Variants in SH3RF3 observed in about 807,000 individuals in gnomAD.
SH3RF3 encodes E3 ubiquitin-protein ligase SH3RF3.
A neutral mutation model predicts 66.3 loss-of-function variants in SH3RF3; 29 were observed. The observed-to-expected ratio is 0.44, with a 90% CI of 0.33 to 0.60. The LOEUF is 0.60. Among genes scored for constraint, SH3RF3 ranks in the 20% least tolerant of loss-of-function variants. SH3RF3 has a pLI of 0.04. For synonymous variants in SH3RF3, 583 were observed against 532.0 expected (o/e 1.10, Z -1.32); for missense variants, 1,194 against 1,190.9 (o/e 1.00, Z -0.04).
chr2:109,436,692 A>G (rs1427443886), intron 6 of SH3RF3, among the ~76,000 whole-genome samples: 1 of 152,154 alleles, frequency 6.6e-6, no homozygotes, highest in Non-Finnish European at 1.5e-5. Context: ...AATATTTCAC[A>G]CTGACAGTTT....
At chr2:109,394,566 AT>A (rs1676089618) in intron 3 of SH3RF3, among the ~76,000 whole-genome samples, 1 of 152,252 alleles carries the variant, frequency 6.6e-6, no homozygotes, top group Non-Finnish European at 1.5e-5. Flanking sequence ...TGATGTTATC[AT>A]TTTGTTTCCA....
chr2:109,432,496 C>A lies in SH3RF3; in HGVS notation c.1404-5C>A. On this transcript the variant is annotated splice_polypyrimidine_tract_variant and splice_region_variant and intron_variant, in intron 5 of 9. Transcript: ENST00000309415. The stretch of plus-strand genomic sequence containing the variant: ...ACTGACACTGGCCCCATGCTTTGCC[C>A]GCAGGTACCTGGCGCTCTACGCCTA... The A allele has an allele frequency of 6.2e-7, 1 of 1,612,974 alleles. No homozygotes were observed. Among genetic ancestry groups the A allele is most frequent in the Non-Finnish European group, 8.5e-7 (1 of 1,179,618 alleles).
At chr2:109,490,526 G>A in intron 8 of SH3RF3, 79 bp from the exon 9 acceptor site, 2 of 1,157,418 alleles carry the variant, frequency 1.7e-6, no homozygotes, top group Non-Finnish European at 2.3e-6. Flanking sequence ...CACATAGGAA[G>A]ATGCATTCCC....
intron 7 of SH3RF3, among the ~76,000 whole-genome samples, chr2:109,437,927 A>G (rs535133792): frequency 6.6e-6 from 1 of 152,284 alleles, no homozygotes; most frequent in Admixed American, 6.5e-5. Flanking sequence ...TGCTGACATG[A>G]TGCCAAGTAC....
At chr2:109,241,768 A>ATT (rs201056229) in intron 1 of SH3RF3, among the ~76,000 whole-genome samples, 3 of 143,464 alleles carry the variant, frequency 2.1e-5, no homozygotes, top group African/African-American at 2.6e-5. Flanking sequence ...GTCTTGAATA[A>ATT]TTTTTTTTTT....
Position 109,141,163 on chromosome 2 carries a change from G to A in SH3RF3, c.573+11050G>A, listed in dbSNP as rs181827896. Among the ~76,000 whole-genome samples the A allele has an allele frequency of 5.0e-4, 76 of 152,224 alleles. 1 individual carries two copies. Among genetic ancestry groups the A allele is most frequent in the African/African-American group, 1.5e-3 (62 of 41,522 alleles). Reference sequence around the variant, plus strand: ...CACCCCCCGGAGCCCAGGTTTCTGCGGATTCCTCTCTTTTGTCTCCCTTCT... The same window carrying A: ...CACCCCCCGGAGCCCAGGTTTCTGCAGATTCCTCTCTTTTGTCTCCCTTCT... On this transcript the variant is annotated intron_variant, in intron 1 of 9. Coordinates refer to ENST00000309415, the MANE Select transcript of SH3RF3 (RefSeq NM_001099289.3).
intron 1 of SH3RF3, among the ~76,000 whole-genome samples, chr2:109,196,741 A>G (rs961166816): frequency 6.6e-6 from 1 of 152,160 alleles, no homozygotes; most frequent in Non-Finnish European, 1.5e-5. Flanking sequence ...GCTGCACCAC[A>G]TGCCCCGTGG....
At chr2:109,489,666 G>C (rs1325102315) in intron 8 of SH3RF3, among the ~76,000 whole-genome samples, 1 of 150,550 alleles carries the variant, frequency 6.6e-6, no homozygotes. Flanking sequence ...TGGGGGCCTC[G>C]GGGCCTATTT....
intron 1 of SH3RF3, among the ~76,000 whole-genome samples, chr2:109,217,027 A>G (rs1340806231): frequency 6.6e-6 from 1 of 152,160 alleles, no homozygotes; most frequent in Non-Finnish European, 1.5e-5. Context: ...GGAATTACAC[A>G]GTATTTATCC....
chr2:109,227,215 C>T (rs936050864), intron 1 of SH3RF3, among the ~76,000 whole-genome samples: 1 of 152,126 alleles, frequency 6.6e-6, no homozygotes, highest in Non-Finnish European at 1.5e-5. Flanking sequence ...GAGGATCCCA[C>T]CCAGGCCTCA....
At chr2:109,481,769 C>T (rs573825893) in intron 8 of SH3RF3, among the ~76,000 whole-genome samples, 11 of 152,244 alleles carry the variant, frequency 7.2e-5, no homozygotes, top group African/African-American at 2.6e-4. Flanking sequence ...CACTCCTCGG[C>T]CTCCCCTCTG....
chr2:109,145,650 T>TA (rs1677076985), intron 1 of SH3RF3, among the ~76,000 whole-genome samples: 1 of 152,224 alleles, frequency 6.6e-6, no homozygotes, highest in African/African-American at 2.4e-5. Context: ...GTGGACTTCC[T>TA]AAGGAGCACT....
chr2:109,215,263 G>C (rs902116891), intron 1 of SH3RF3, among the ~76,000 whole-genome samples: 2 of 152,184 alleles, frequency 1.3e-5, no homozygotes, highest in African/African-American at 4.8e-5. Context: ...GAGGGTAGGG[G>C]AGAAGGCCAC....
At chr2:109,152,279 C>T (rs56092133) in intron 1 of SH3RF3, among the ~76,000 whole-genome samples, 4,632 of 152,258 alleles carry the variant, frequency 0.03, 220 homozygotes, top group African/African-American at 0.1. Flanking sequence ...GGGCATGTTC[C>T]CCTTGTTGTT....
chr2:109,273,248 C>A (rs1260866209), intron 1 of SH3RF3, among the ~76,000 whole-genome samples: 8 of 152,226 alleles, frequency 5.3e-5, no homozygotes, highest in Admixed American at 3.3e-4. Context: ...GCCTGCCAGG[C>A]TGGGAAGGCA....
intron 8 of SH3RF3, among the ~76,000 whole-genome samples, chr2:109,485,793 GT>G (rs1327152949): frequency 6.6e-6 from 1 of 152,258 alleles, no homozygotes; most frequent in Non-Finnish European, 1.5e-5. Flanking sequence ...TCTGTAACAT[GT>G]CAGTGTTCCG....
chr2:109,403,302 T>G (rs1676364441), intron 4 of SH3RF3, among the ~76,000 whole-genome samples: 2 of 152,192 alleles, frequency 1.3e-5, no homozygotes, highest in African/African-American at 2.4e-5. Context: ...TCCTTCGGCT[T>G]CTTCTGCTGA....
chr2:109,295,461 G>T (rs1251427434), intron 1 of SH3RF3, among the ~76,000 whole-genome samples: 1 of 152,248 alleles, frequency 6.6e-6, no homozygotes, highest in African/African-American at 2.4e-5. Context: ...GGCAGGGAGA[G>T]GACCCTGGGA....
intron 1 of SH3RF3, among the ~76,000 whole-genome samples, chr2:109,244,439 C>T (rs1345437139): frequency 1.3e-5 from 2 of 152,082 alleles, no homozygotes; most frequent in African/African-American, 4.8e-5. Context: ...CTGATTTTTG[C>T]CCATGAATGC....
Sources: allele counts gnomAD v4.1 joint callset (sites outside exome capture counted in the v4.1 genomes callset), GRCh38; gene constraint gnomAD v4.1.1; transcripts MANE v1.5; gene names NCBI Gene and HGNC (gene_info 2026-07-23, HGNC 2026-07-21).